Variants in HFM1 observed in about 807,000 individuals in gnomAD.
HFM1 encodes the protein helicase for meiosis 1.
A neutral mutation model predicts 192.1 loss-of-function variants in HFM1; 169 were observed. That is an observed-to-expected ratio of 0.88 (90% CI 0.78 to 1.00). The LOEUF is 1.00. Ranked by LOEUF, HFM1 falls within the 50% of genes least tolerant of loss-of-function variation. The pLI is 0.00. For synonymous variants in HFM1, 525 were observed against 537.8 expected (o/e 0.98, Z 0.33); for missense variants, 1,661 against 1,668.0 (o/e 1.00, Z 0.07).
Position 91,364,669 on chromosome 1 carries a change from C to T in HFM1, c.1685+10689G>A, listed in dbSNP as rs558196070. ...TTTTTGAGACAGAGTCTTGCTCTGT[C>T]GCCCAGGCTGGAGTGTGCAGTGGCA... On this transcript the variant is annotated intron_variant, in intron 13 of 38. Coordinates refer to ENST00000370425, the MANE Select transcript of HFM1 (RefSeq NM_001017975.6). 4.1e-4 allele frequency among the ~76,000 whole-genome samples: 48 copies of T among 116,910 alleles called. No homozygotes were observed. In the South Asian group the frequency reaches 1.0e-2, roughly 24 times the overall value. The allele number at this position is 116,910 out of a possible 152,430, so 76.7% of individuals were successfully genotyped here.
intron 20 of HFM1, among the ~76,000 whole-genome samples, chr1:91,339,999 TGG>T (rs1202986201): frequency 6.6e-6 from 1 of 152,128 alleles, no homozygotes; most frequent in Non-Finnish European, 1.5e-5. Flanking sequence ...CAGAAGAGTT[TGG>T]GGGCCTATAT....
At chr1:91,362,873 C>T (rs1340309768) in intron 13 of HFM1, among the ~76,000 whole-genome samples, 2 of 152,064 alleles carry the variant, frequency 1.3e-5, no homozygotes, top group Admixed American at 6.6e-5. Flanking sequence ...AATAAGACGA[C>T]ACACCTACAA....
chr1:91,370,166 G>A lies in HFM1; in HGVS notation c.1685+5192C>T, dbSNP rs574096387. Among the ~76,000 whole-genome samples the A allele has an allele frequency of 8.9e-4, 136 of 152,310 alleles. No homozygotes were observed. The Middle Eastern group carries it at 0.01, about 11-fold the overall frequency. On this transcript the variant is annotated intron_variant, in intron 13 of 38. Coordinates refer to ENST00000370425, the MANE Select transcript of HFM1 (RefSeq NM_001017975.6). ...AGCCGAATTCTACCAGAGGTACAAG[G>A]AGGAGTTGTTACCATTCCTTCTGAA...
intron 19 of HFM1, among the ~76,000 whole-genome samples, chr1:91,345,834 G>A (rs565781227): frequency 6.6e-6 from 1 of 152,076 alleles, no homozygotes; most frequent in Non-Finnish European, 1.5e-5. Context: ...TACATAGAGA[G>A]GCCAAGAAGA....
At chr1:91,277,191 A>G in intron 30 of HFM1, 129 bp from the exon 31 acceptor site, 1 of 503,676 alleles carries the variant, frequency 2.0e-6, no homozygotes, top group South Asian at 3.5e-5. Context: ...TACTTTCTCA[A>G]GTGTTTTGTA....
intron 20 of HFM1, among the ~76,000 whole-genome samples, chr1:91,325,321 G>A (rs907224798): frequency 6.6e-6 from 1 of 152,096 alleles, no homozygotes; most frequent in African/African-American, 2.4e-5. Flanking sequence ...CAGGACCTGG[G>A]GGAACTCACC....
Position 91,352,497 on chromosome 1 carries a change from G to A in HFM1, c.1977+9C>T. ...TTTAAGTATAAAAAGCAAAGTTATT[G>A]TCACTTACTTGAGGTCGACCAGCTC... On this transcript the variant is annotated intron_variant, in intron 16 of 38. Transcript: ENST00000370425. The A allele has an allele frequency of 1.9e-6, 3 of 1,546,004 alleles. No individual in the cohort carries two copies. The highest frequency in any genetic ancestry group is 2.6e-6 in the Non-Finnish European group (3 of 1,151,422).
chr1:91,366,752 T>TA (rs1242400540), intron 13 of HFM1, among the ~76,000 whole-genome samples: 1 of 152,166 alleles, frequency 6.6e-6, no homozygotes, highest in Non-Finnish European at 1.5e-5. Flanking sequence ...TTCATCTCAC[T>TA]GGGGAGTGTC....
At chr1:91,366,979 G>A (rs781267635) in intron 13 of HFM1, among the ~76,000 whole-genome samples, 7 of 152,190 alleles carry the variant, frequency 4.6e-5, no homozygotes, top group Non-Finnish European at 8.8e-5. Flanking sequence ...CTGGCTTGGA[G>A]GGTCCTACAC....
At chr1:91,348,430 C>T (rs1452317902) in intron 18 of HFM1, among the ~76,000 whole-genome samples, 3 of 152,086 alleles carry the variant, frequency 2.0e-5, no homozygotes, top group Non-Finnish European at 2.9e-5. Context: ...TTTATAAATG[C>T]ATATATCCTT....
intron 25 of HFM1, among the ~76,000 whole-genome samples, chr1:91,316,831 C>G (rs1026832092): frequency 6.6e-6 from 1 of 152,124 alleles, no homozygotes; most frequent in African/African-American, 2.4e-5. Context: ...AAGGATCATG[C>G]TTGAATGAAG....
chr1:91,387,694 C>T (rs1209038915), intron 4 of HFM1, among the ~76,000 whole-genome samples: 1 of 145,244 alleles, frequency 6.9e-6, no homozygotes, highest in Non-Finnish European at 1.5e-5. Context: ...CATATTCTCA[C>T]TCATAGGTGG....
chr1:91,358,291 AAAT>A (rs909088766), intron 13 of HFM1, among the ~76,000 whole-genome samples: 1 of 152,012 alleles, frequency 6.6e-6, no homozygotes, highest in African/African-American at 2.4e-5. Flanking sequence ...CTCAAAAAAA[AAAT>A]TTTTTTTCAT....
intron 30 of HFM1, among the ~76,000 whole-genome samples, chr1:91,290,156 A>C (rs1237547368): frequency 6.6e-6 from 1 of 152,194 alleles, no homozygotes; most frequent in Admixed American, 6.5e-5. Context: ...CAAGCAAAAT[A>C]ACCAGCTAAC....
intron 30 of HFM1, among the ~76,000 whole-genome samples, chr1:91,310,741 T>C (rs1241790820): frequency 1.3e-5 from 2 of 152,224 alleles, no homozygotes; most frequent in African/African-American, 4.8e-5. Flanking sequence ...CTTTTGCTTC[T>C]TCCTCATTTT....
chr1:91,363,714 T>C (rs1658849485), intron 13 of HFM1, among the ~76,000 whole-genome samples: 1 of 152,184 alleles, frequency 6.6e-6, no homozygotes, highest in Non-Finnish European at 1.5e-5. Context: ...TAAATTATTA[T>C]TTTATAAGGA....
chr1:91,378,126 T>C lies in HFM1; in HGVS notation c.1294A>G (p.Met432Val), dbSNP rs115101410. The C allele has an allele frequency of 6.3e-4, 1,019 of 1,610,942 alleles. 7 individuals are homozygous for C. In the African/African-American group the frequency reaches 0.012, roughly 19 times the overall value. Residue 432 changes from methionine to valine, a missense_variant, in exon 11 of 39, where the codon ATG becomes GTG. Met to Val is a conservative substitution (Grantham distance 21, BLOSUM62 1). Coordinates refer to ENST00000370425, the MANE Select transcript of HFM1 (RefSeq NM_001017975.6). ...GPTLEVVVSR[M>V]KTVQSVSQTL... The stretch of plus-strand genomic sequence containing the variant: ...TGAGAAACAGACTGTACAGTTTTCA[T>C]TCTGCTAACTACAACTTCAAGAGTT...
intron 30 of HFM1, among the ~76,000 whole-genome samples, chr1:91,288,999 G>T (rs553362590): frequency 6.6e-6 from 1 of 150,462 alleles, no homozygotes; most frequent in Non-Finnish European, 1.5e-5. Context: ...CTGGTCAGGT[G>T]GGGGCTACCC....
At chr1:91,311,377 GCA>G (rs1394554387) in intron 30 of HFM1, among the ~76,000 whole-genome samples, 1 of 152,138 alleles carries the variant, frequency 6.6e-6, no homozygotes, top group Non-Finnish European at 1.5e-5. Flanking sequence ...ATTTATCCCA[GCA>G]CTTCGGGAGG....
Sources: allele counts gnomAD v4.1 joint callset (sites outside exome capture counted in the v4.1 genomes callset), GRCh38; gene constraint gnomAD v4.1.1; transcripts MANE v1.5; gene names NCBI Gene and HGNC (gene_info 2026-07-23, HGNC 2026-07-21).